SLC27A3: variants seen among roughly 807,000 people sequenced by gnomAD.
SLC27A3 encodes long-chain fatty acid transport protein 3.
SLC27A3 carries 60 observed loss-of-function variants against 60.1 expected under a neutral mutation model. The ratio of observed to expected loss-of-function variants is 1.00; its 90% CI spans 0.81 to 1.24. SLC27A3 has a LOEUF of 1.24. Ranked by LOEUF, SLC27A3 falls within the 50% of genes most tolerant of loss-of-function variation. The probability of loss-of-function intolerance (pLI) is 0.00; values close to 1 mark genes in which losing one functional copy is unlikely to be tolerated. For missense variants in SLC27A3, 1,079 were observed against 929.9 expected (o/e 1.16, Z -2.09); for synonymous variants, 455 against 409.0 (o/e 1.11, Z -1.36).
In SLC27A3 at chr1:153,776,104, C is replaced by T. The variant is rs1673205135; in HGVS notation, c.607C>T (p.Arg203Trp). The T allele has an allele frequency of 6.1e-6, 9 of 1,478,740 alleles. No individual in the cohort carries two copies. Among genetic ancestry groups the T allele is most frequent in the Non-Finnish European group, 8.0e-6 (9 of 1,129,210 alleles). The allele number at this position is 1,478,740 out of a possible 1,614,324, so 91.6% of individuals were successfully genotyped here. A position where few individuals can be genotyped will look rare whatever the true frequency, so the allele number is the denominator to read the frequency against. Reference sequence around the variant, plus strand: ...TGCCTTTGTGCCCACCGCCCTGCGCCGGGGCCCCCTGCTGCACTGCCTCCG... The same window carrying T: ...TGCCTTTGTGCCCACCGCCCTGCGCTGGGGCCCCCTGCTGCACTGCCTCCG... The part of the protein sequence containing the change: ...RTAFVPTALR[R>W]GPLLHCLRSC... Residue 203 changes from arginine (R) to tryptophan (W), a missense_variant, in exon 1 of 10, where the codon CGG (arginine) becomes TGG (tryptophan). By Grantham distance (101) the Arg-to-Trp change is moderately radical. Coordinates refer to ENST00000624995, the MANE Select transcript of SLC27A3 (RefSeq NM_024330.4).
At chr1:153,777,460 T>C in intron 3 of SLC27A3, 2 of 622,532 alleles carry the variant, frequency 3.2e-6, no homozygotes, top group Non-Finnish European at 5.6e-6. Context: ...GGAAGGACTG[T>C]GTCAGTCCAG....
Position 153,779,214 on chromosome 1 carries a change from G to A in SLC27A3, c.1744+3G>A, listed in dbSNP as rs1467696899. ...CGTCTATGGAGTCACTGTGCCAGGT[G>A]CCTAGGCATGGAAGGTGGGGGAGGC... On this transcript the variant is annotated splice_donor_region_variant and intron_variant, in intron 8 of 9. Coordinates refer to ENST00000624995, the MANE Select transcript of SLC27A3 (RefSeq NM_024330.4). 3.1e-6 allele frequency: 5 copies of A among 1,614,080 alleles called. No individual in the cohort carries two copies. Among genetic ancestry groups the A allele is most frequent in the Non-Finnish European group, 4.2e-6 (5 of 1,179,932 alleles).
At position 153,777,826 on chromosome 1, in the gene SLC27A3, A is replaced by G. The variant is rs1233105925; in HGVS notation, c.1102A>G (p.Arg368Gly). 2.5e-6 allele frequency: 4 copies of G among 1,614,126 alleles called. No homozygotes were observed. Among genetic ancestry groups the G allele is most frequent in the Non-Finnish European group, 3.4e-6 (4 of 1,180,046 alleles). The change falls in exon 4 of 10, where the codon AGG (arginine) becomes GGG (glycine). Residue 368 changes from arginine (R) to glycine (G), a missense_variant. Arg to Gly is a moderately radical substitution (Grantham distance 125, BLOSUM62 -2). Coordinates refer to ENST00000624995, the MANE Select transcript of SLC27A3 (RefSeq NM_024330.4). Reference sequence around the variant, plus strand: ...GTTCTGGGAAGATTGCCAGCAGCACAGGGTGACGGTGTTCCAGTACATTGG... The same window carrying G: ...GTTCTGGGAAGATTGCCAGCAGCACGGGGTGACGGTGTTCCAGTACATTGG... The part of the protein sequence containing the change: ...GQFWEDCQQH[R>G]VTVFQYIGEL...
In SLC27A3 at chr1:153,775,767, C is replaced by T; in HGVS notation, c.270C>T (p.Arg90=). Residue 90 remains arginine, a synonymous_variant, in exon 1 of 10, where the codon CGC becomes CGT. Transcript: ENST00000624995. ...AHTFLIHGSR[R]FSYSEAERES... ...CCTTTCTCATTCACGGCTCGCGGCG[C>T]TTTAGCTACTCAGAGGCGGAGCGCG... 1 of 1,506,636 alleles carries T rather than the reference C, an allele frequency of 6.6e-7. No individual in the cohort carries two copies. Among genetic ancestry groups the T allele is most frequent in the East Asian group, 2.4e-5 (1 of 41,966 alleles). 93.3% of individuals were successfully genotyped at this position (1,506,636 alleles called of 1,614,324 possible).
chr1:153,780,145 T>C lies in SLC27A3; in HGVS notation c.*143T>C, dbSNP rs1341999849. 2.8e-6 allele frequency: 2 copies of C among 713,186 alleles called. No homozygotes were observed. Among genetic ancestry groups the C allele is most frequent in the African/African-American group, 3.6e-5 (2 of 55,888 alleles). 44.2% of individuals were successfully genotyped at this position (713,186 alleles called of 1,614,324 possible). A position where few individuals can be genotyped will look rare whatever the true frequency, so the allele number is the denominator to read the frequency against. ...AATGTGGCTGGAGCTGATCCAGCTG[T>C]CTCTGACCTACAGTATCTGTCATTA... On this transcript the variant is annotated 3_prime_UTR_variant, in exon 10 of 10. Transcript: ENST00000624995.
chr1:153,778,781 G>C lies in SLC27A3; in HGVS notation c.1542G>C (p.Lys514Asn). 6.2e-7 allele frequency: 1 copy of C among 1,614,130 alleles called. No individual in the cohort carries two copies. Among genetic ancestry groups the C allele is most frequent in the Non-Finnish European group, 8.5e-7 (1 of 1,180,016 alleles). ...AGCTGGCCCAGGGGAAGTTGCTAAA[G>C]GATGTCTTCCGGCCTGGGGATGTTT... Reference protein sequence around the residue: ...GPELAQGKLLKDVFRPGDVFF... With the variant: ...GPELAQGKLLNDVFRPGDVFF... The change falls in exon 7 of 10, where the codon AAG becomes AAC. Residue 514 changes from lysine to asparagine, a missense_variant. Coordinates refer to ENST00000624995, the MANE Select transcript of SLC27A3 (RefSeq NM_024330.4).
chr1:153,776,758 G>C, intron 2 of SLC27A3, 31 bp downstream of exon 2: 1 of 1,608,672 alleles, frequency 6.2e-7, no homozygotes, highest in Non-Finnish European at 8.5e-7. Context: ...TTAGCTCCCC[G>C]AAACCAAGGC....
In SLC27A3 at chr1:153,775,902, G is replaced by C. The variant is rs1409976386; in HGVS notation, c.405G>C (p.Pro135=). ...CTGGAGAAGGCGAGCGGGCAGCGCC[G>C]GGAGCCGGAGATGCAGCGGCCGGAA... ...GSAGEGERAA[P]GAGDAAAGSG... Residue 135 remains proline (P), a synonymous_variant, in exon 1 of 10, where the codon CCG becomes CCC. Transcript: ENST00000624995. The C allele has an allele frequency of 1.4e-6, 2 of 1,474,240 alleles. No individual in the cohort carries two copies. Among genetic ancestry groups the C allele is most frequent in the African/African-American group, 3.0e-5 (2 of 67,448 alleles). 91.3% of individuals were successfully genotyped at this position (1,474,240 alleles called of 1,614,324 possible).
rs758612487 is a variant in SLC27A3, at chr1:153,775,856, G to A, written c.359G>A (p.Gly120Asp). ...GGCTGGGACTGGGGACCCGACGGCGGCGACAGCGGCGAGGGGAGCGCTGGA... is the reference window on the plus strand; with the variant it reads ...GGCTGGGACTGGGGACCCGACGGCGACGACAGCGGCGAGGGGAGCGCTGGA... The part of the protein sequence containing the change: ...ALGWDWGPDG[G>D]DSGEGSAGEG... Residue 120 changes from glycine to aspartate, a missense_variant, in exon 1 of 10, where the codon GGC (glycine) becomes GAC (aspartate). Gly to Asp is a moderately conservative substitution (Grantham distance 94). Transcript: ENST00000624995. The A allele has an allele frequency of 6.7e-7, 1 of 1,492,550 alleles. No homozygotes were observed. Among genetic ancestry groups the A allele is most frequent in the Admixed American group, 2.4e-5 (1 of 41,186 alleles). The allele number at this position is 1,492,550 out of a possible 1,614,324, so 92.5% of individuals were successfully genotyped here. A position where few individuals can be genotyped will look rare whatever the true frequency, so the allele number is the denominator to read the frequency against.
intron 1 of SLC27A3, 139 bp downstream of exon 1, chr1:153,776,303 T>G: frequency 7.1e-7 from 1 of 1,411,866 alleles, no homozygotes; most frequent in East Asian, 2.5e-5. Flanking sequence ...TGGGTGGAGA[T>G]AGGAGTCTCC....
In SLC27A3 at chr1:153,778,262, G is replaced by C. The variant is rs34074094; in HGVS notation, c.1263G>C (p.Val421=). The change falls in exon 5 of 10, where the codon GTG becomes GTC. Residue 421 remains valine, a synonymous_variant. Transcript: ENST00000624995. ...TGCGGCGCTTCGGGCCCCTGCAGGT[G>C]CTGGAGACATATGGACTGACAGAGG... ...RFVRRFGPLQ[V]LETYGLTEGN... 37,034 of 1,614,138 alleles carry C rather than the reference G, an allele frequency of 0.023. 509 individuals are homozygous for C. The highest frequency in any genetic ancestry group is 0.044 in the African/African-American group (3,325 of 75,062).
chr1:153,775,664 C>G lies in SLC27A3; in HGVS notation c.167C>G (p.Ala56Gly). 1.3e-6 allele frequency: 2 copies of G among 1,532,148 alleles called. No homozygotes were observed. Among genetic ancestry groups the G allele is most frequent in the Non-Finnish European group, 1.8e-6 (2 of 1,140,528 alleles). The allele number at this position is 1,532,148 out of a possible 1,614,324, so 94.9% of individuals were successfully genotyped here. A position where few individuals can be genotyped will look rare whatever the true frequency, so the allele number is the denominator to read the frequency against. The change falls in exon 1 of 10, where the codon GCC becomes GGC. Residue 56 changes from alanine to glycine, a missense_variant. By Grantham distance (60) the Ala-to-Gly change is moderately conservative. Coordinates refer to ENST00000624995, the MANE Select transcript of SLC27A3 (RefSeq NM_024330.4). Reference protein sequence around the residue: ...LRARALAAAAADPEGPEGGCS... With the variant: ...LRARALAAAAGDPEGPEGGCS... ...GCTCGCGCCCTGGCCGCGGCTGCCG[C>G]CGACCCGGAAGGTCCCGAGGGGGGC...
Position 153,778,871 on chromosome 1 carries a change from T to C in SLC27A3, c.1632T>C (p.Thr544=), listed in dbSNP as rs1290556092. 3 of 1,614,148 alleles carry C rather than the reference T, an allele frequency of 1.9e-6. No individual in the cohort carries two copies. In the Admixed American group the frequency reaches 5.0e-5, roughly 27 times the overall value. ...GTTTTCTCCGCTTCCATGATCGTACTGGAGACACCTTCAGGTATCTGTCCA... is the reference window on the plus strand; with the variant it reads ...GTTTTCTCCGCTTCCATGATCGTACCGGAGACACCTTCAGGTATCTGTCCA... ...DQGFLRFHDR[T]GDTFRWKGEN... Residue 544 remains threonine (T), a synonymous_variant, in exon 7 of 10, where the codon ACT becomes ACC. Transcript: ENST00000624995.
In SLC27A3 at chr1:153,778,489, CTA is replaced by C; in HGVS notation, c.1385_1386del (p.Tyr462Ter). ...ATATCTTCCCCTTCTCCTTGATTCG[CTA>C]TGATGTCACCACAGGAGAGCCAATT... ...KHIFPFSLIR[Y>X]DVTTGEPIRD... On this transcript the variant is annotated frameshift_variant, in exon 6 of 10. Transcript: ENST00000624995. LOFTEE classifies it high-confidence loss of function. The C allele has an allele frequency of 6.2e-7, 1 of 1,614,202 alleles. No individual in the cohort carries two copies. Among genetic ancestry groups the C allele is most frequent in the Non-Finnish European group, 8.5e-7 (1 of 1,180,030 alleles).
chr1:153,775,518 G>A lies in SLC27A3; in HGVS notation c.21G>A (p.Leu7=), dbSNP rs1673142695. The A allele has an allele frequency of 1.2e-6, 2 of 1,611,764 alleles. No individual in the cohort carries two copies. The highest frequency in any genetic ancestry group is 3.3e-5 in the Admixed American group (2 of 59,964). Residue 7 remains leucine (L), a synonymous_variant, in exon 1 of 10, where the codon CTG becomes CTA. Transcript: ENST00000624995. The part of the protein sequence containing the change: MAALLL[L]PLLLLLPLLL... ...GCTCCATGGCTGCCCTCCTGCTGCT[G>A]CCCCTGCTGCTGTTGCTACCGCTGC...
At position 153,776,119 on chromosome 1, in the gene SLC27A3, C is replaced by T. The variant is rs1357804003; in HGVS notation, c.622C>T (p.His208Tyr). ...CGCCCTGCGCCGGGGCCCCCTGCTGCACTGCCTCCGCAGCTGCGGCGCGCG... is the reference window on the plus strand; with the variant it reads ...CGCCCTGCGCCGGGGCCCCCTGCTGTACTGCCTCCGCAGCTGCGGCGCGCG... ...PTALRRGPLL[H>Y]CLRSCGARAL... Residue 208 changes from histidine (H) to tyrosine (Y), a missense_variant, in exon 1 of 10, where the codon CAC becomes TAC. By Grantham distance (83) the His-to-Tyr change is moderately conservative (BLOSUM62 2). Coordinates refer to ENST00000624995, the MANE Select transcript of SLC27A3 (RefSeq NM_024330.4). The T allele has an allele frequency of 3.4e-6, 5 of 1,466,496 alleles. No homozygotes were observed. The highest frequency in any genetic ancestry group is 3.6e-6 in the Non-Finnish European group (4 of 1,123,230). The allele number at this position is 1,466,496 out of a possible 1,614,324, so 90.8% of individuals were successfully genotyped here.
rs571084500 is a variant in SLC27A3, at chr1:153,777,610, G to A, written c.1037-151G>A. 5.7e-5 allele frequency: 57 copies of A among 1,004,958 alleles called. No homozygotes were observed. The South Asian group carries it at 7.1e-4, about 12-fold the overall frequency. The allele number at this position is 1,004,958 out of a possible 1,614,324, so 62.3% of individuals were successfully genotyped here. A position where few individuals can be genotyped will look rare whatever the true frequency, so the allele number is the denominator to read the frequency against. ...CAGGGGCCGGGGGAGGGGAAAGAGG[G>A]CCAGCACGGCTTCCTGACGGTGTGA... is the stretch of plus-strand genomic sequence containing the variant. On this transcript the variant is annotated intron_variant, in intron 3 of 9. Coordinates refer to ENST00000624995, the MANE Select transcript of SLC27A3 (RefSeq NM_024330.4).
chr1:153,777,850 G>A lies in SLC27A3; in HGVS notation c.1126G>A (p.Gly376Arg), dbSNP rs1673311606. 6.2e-7 allele frequency: 1 copy of A among 1,614,236 alleles called. No homozygotes were observed. The highest frequency in any genetic ancestry group is 8.5e-7 in the Non-Finnish European group (1 of 1,180,042). The change falls in exon 4 of 10, where the codon GGG (glycine) becomes AGG (arginine). Residue 376 changes from glycine to arginine, a missense_variant. By Grantham distance (125) the Gly-to-Arg change is moderately radical. Coordinates refer to ENST00000624995, the MANE Select transcript of SLC27A3 (RefSeq NM_024330.4). Reference protein sequence around the residue: ...QHRVTVFQYIGELCRYLVNQP... With the variant: ...QHRVTVFQYIRELCRYLVNQP... Reference sequence around the variant, plus strand: ...CAGGGTGACGGTGTTCCAGTACATTGGGGAGCTGTGCCGATACCTTGTCAA... The same window carrying A: ...CAGGGTGACGGTGTTCCAGTACATTAGGGAGCTGTGCCGATACCTTGTCAA...
chr1:153,778,437 C>T (rs766413793), intron 5 of SLC27A3, 26 bp from the exon 6 acceptor site: 2 of 1,613,310 alleles, frequency 1.2e-6, no homozygotes, highest in South Asian at 1.1e-5. Flanking sequence ...TGCAATGATC[C>T]AGTACCCAGG....
Sources: gnomAD v4.1 joint callset for allele counts on GRCh38, gnomAD v4.1.1 for gene constraint, MANE v1.5 for transcripts, NCBI Gene and HGNC (gene_info 2026-07-23, HGNC 2026-07-21) for gene names.